FILIP1L: variants seen among roughly 807,000 people sequenced by gnomAD.
FILIP1L encodes the protein filamin A-interacting protein 1-like.
Under a neutral mutation model 96.6 loss-of-function variants are expected in FILIP1L, and 55 were observed. That is an observed-to-expected ratio of 0.57 (90% CI 0.46 to 0.71). The LOEUF (loss-of-function observed/expected upper bound fraction) is 0.71. Ranked by LOEUF, FILIP1L falls within the 30% of genes least tolerant of loss-of-function variation. FILIP1L has a pLI of 0.00. For synonymous variants in FILIP1L, 467 were observed against 473.9 expected, an observed-to-expected ratio of 0.99 and a Z score of 0.19; for missense variants, 1,304 against 1,321.2, an observed-to-expected ratio of 0.99 and a Z score of 0.20.
chr3:99,986,194 T>C (rs181402377), intron 1 of FILIP1L, among the ~76,000 whole-genome samples: 31 of 152,360 alleles, frequency 2.0e-4, no homozygotes, highest in African/African-American at 7.2e-4. Flanking sequence ...AATTATAAGA[T>C]GTAAAGATAG....
chr3:100,094,028 C>T (rs2066159800), intron 1 of FILIP1L, among the ~76,000 whole-genome samples: 1 of 152,178 alleles, frequency 6.6e-6, no homozygotes, highest in Admixed American at 6.5e-5. Flanking sequence ...GTTACTGTAC[C>T]AACTTACATT....
At chr3:100,089,573 A>G (rs2107428616) in intron 1 of FILIP1L, among the ~76,000 whole-genome samples, 1 of 152,336 alleles carries the variant, frequency 6.6e-6, no homozygotes, top group East Asian at 1.9e-4. Context: ...CATTTCTAAA[A>G]CTGAACAATT....
At chr3:99,886,959 G>T (rs906179472) in intron 4 of FILIP1L, among the ~76,000 whole-genome samples, 10 of 133,614 alleles carry the variant, frequency 7.5e-5, no homozygotes, top group African/African-American at 2.6e-4. Context: ...AGCAGAGGGA[G>T]ACTCCATCTC....
At chr3:99,907,886 G>A (rs1350706356) in intron 4 of FILIP1L, among the ~76,000 whole-genome samples, 4 of 152,122 alleles carry the variant, frequency 2.6e-5, no homozygotes, top group African/African-American at 9.7e-5. Context: ...CTCCTCCTGA[G>A]GGCAAGGGCC....
At chr3:100,013,723 TTGAC>T (rs1710234174) in intron 1 of FILIP1L, among the ~76,000 whole-genome samples, 1 of 152,202 alleles carries the variant, frequency 6.6e-6, no homozygotes, top group Non-Finnish European at 1.5e-5. Context: ...ATTGTGTACA[TTGAC>T]TGTGTACAAT....
intron 1 of FILIP1L, among the ~76,000 whole-genome samples, chr3:100,002,769 C>CCTTAGACCAG (rs1442474085): frequency 6.6e-6 from 1 of 152,142 alleles, no homozygotes; most frequent in Non-Finnish European, 1.5e-5. Flanking sequence ...GTCCCTTAGG[C>CCTTAGACCAG]CTTAGACCAG....
At chr3:100,101,955 A>G (rs2066314591) in intron 1 of FILIP1L, among the ~76,000 whole-genome samples, 5 of 152,056 alleles carry the variant, frequency 3.3e-5, no homozygotes, top group African/African-American at 1.2e-4. Flanking sequence ...TGAACTCATC[A>G]TTTTTTATGG....
At chr3:99,872,260 G>T (rs1257793215) in intron 4 of FILIP1L, among the ~76,000 whole-genome samples, 1 of 128,042 alleles carries the variant, frequency 7.8e-6, no homozygotes, top group Admixed American at 7.7e-5. Context: ...TGGATATTCT[G>T]TGCCAGGACT....
At chr3:99,837,448 A>G (rs1383642408) in intron 5 of FILIP1L, among the ~76,000 whole-genome samples, 1 of 152,168 alleles carries the variant, frequency 6.6e-6, no homozygotes, top group Non-Finnish European at 1.5e-5. Flanking sequence ...AGAAAAAAAA[A>G]AAACAGCCAA....
At chr3:99,880,053 C>T (rs750539191) in intron 4 of FILIP1L, among the ~76,000 whole-genome samples, 12 of 152,122 alleles carry the variant, frequency 7.9e-5, no homozygotes, top group African/African-American at 1.9e-4. Context: ...GCCATGGATC[C>T]GATCCTGTGC....
intron 1 of FILIP1L, among the ~76,000 whole-genome samples, chr3:99,995,393 G>A (rs886231434): frequency 2.0e-5 from 3 of 152,178 alleles, no homozygotes; most frequent in African/African-American, 4.8e-5. Context: ...CTGTGGCTTT[G>A]CAGGGTACAG....
At chr3:99,957,584 C>G (rs944150857) in intron 1 of FILIP1L, among the ~76,000 whole-genome samples, 10 of 151,852 alleles carry the variant, frequency 6.6e-5, no homozygotes, top group Middle Eastern at 3.4e-3. Context: ...TTGGAATTTT[C>G]ACCCTCTGGG....
At chr3:99,948,307 A>G (rs779762789) in intron 1 of FILIP1L, among the ~76,000 whole-genome samples, 2 of 152,132 alleles carry the variant, frequency 1.3e-5, no homozygotes, top group Non-Finnish European at 2.9e-5. Context: ...AGCCTTAGCA[A>G]CATAGTGAGA....
rs1037851181 is a variant in FILIP1L at position 99,850,386 on chromosome 3, T to G, written c.1290A>C (p.Leu430Phe). Residue 430 changes from leucine to phenylalanine, a missense_variant, in exon 5 of 6, where the codon TTA becomes TTC. Coordinates refer to ENST00000477258, the MANE Select transcript of FILIP1L (RefSeq NM_001387850.1). ...LSKRIMALEK[L>F]EDAFNKSKQE... is the part of the protein sequence containing the mutation. Reference sequence around the variant, plus strand: ...GTTTGCTTTTGTTGAAAGCGTCTTCTAACTTTTCCAGAGCCATAATTCTTT... The same window carrying G: ...GTTTGCTTTTGTTGAAAGCGTCTTCGAACTTTTCCAGAGCCATAATTCTTT... 1.9e-6 allele frequency: 3 copies of G among 1,613,364 alleles called. No individual in the cohort carries two copies. The highest frequency in any genetic ancestry group is 1.3e-5 in the African/African-American group (1 of 74,830).
chr3:99,987,408 TATCTC>T lies in FILIP1L; in HGVS notation c.-10-56383_-10-56379del, dbSNP rs900179162. ...ACGGGGTGTGGTGGCATACACCTGTTATCTCAGCTACTCGGGAGGCTGAGACAGGA... is the reference window on the plus strand; with the variant it reads ...ACGGGGTGTGGTGGCATACACCTGTTAGCTACTCGGGAGGCTGAGACAGGA... On this transcript the variant is annotated intron_variant, in intron 1 of 5. Transcript: ENST00000477258. Among the ~76,000 whole-genome samples the T allele has an allele frequency of 4.6e-5, 7 of 150,924 alleles. No homozygotes were observed. In the East Asian group the frequency reaches 9.8e-4, roughly 21 times the overall value.
chr3:100,019,107 AC>A (rs1710429715), intron 1 of FILIP1L, among the ~76,000 whole-genome samples: 1 of 152,250 alleles, frequency 6.6e-6, no homozygotes, highest in Admixed American at 6.5e-5. Flanking sequence ...GTAAATTGAT[AC>A]AGCAGTATGG....
intron 5 of FILIP1L, among the ~76,000 whole-genome samples, chr3:99,842,926 A>G (rs547515928): frequency 6.6e-6 from 1 of 152,270 alleles, no homozygotes; most frequent in South Asian, 2.1e-4. Context: ...ACCCTACAGC[A>G]TTGCCTTTGG....
Position 100,099,525 on chromosome 3 carries a change from C to T in FILIP1L, c.-11+14528G>A, listed in dbSNP as rs183977565. Among the ~76,000 whole-genome samples, 34 of 152,190 alleles carry T rather than the reference C, an allele frequency of 2.2e-4. 1 individual carries two copies. The highest frequency in any genetic ancestry group is 1.4e-3 in the Admixed American group (21 of 15,274). The stretch of plus-strand genomic sequence containing the variant: ...CTAGGTGATATAAAAGTATTTGTAT[C>T]GGTCTAATTATGTATCCTTAACTAA... On this transcript the variant is annotated intron_variant, in intron 1 of 5. Transcript: ENST00000477258.
intron 4 of FILIP1L, among the ~76,000 whole-genome samples, chr3:99,916,353 T>C (rs1706949845): frequency 6.6e-6 from 1 of 152,042 alleles, no homozygotes; most frequent in Admixed American, 6.6e-5. Flanking sequence ...CTGGCTTTCT[T>C]GGGTCTCCAG....
Sources: allele counts gnomAD v4.1 joint callset (sites outside exome capture counted in the v4.1 genomes callset), GRCh38; gene constraint gnomAD v4.1.1; transcripts MANE v1.5; gene names NCBI Gene and HGNC (gene_info 2026-07-23, HGNC 2026-07-21).